ABCC12: variants seen among roughly 807,000 people sequenced by gnomAD.
The protein encoded by ABCC12 is ATP binding cassette subfamily C member 12.
Under a neutral mutation model 151.1 loss-of-function variants are expected in ABCC12, and 142 were observed. That is an observed-to-expected ratio of 0.94 (90% CI 0.82 to 1.08). The LOEUF is 1.08. Among genes scored for constraint, ABCC12 ranks in the 50% least tolerant of loss-of-function variants. ABCC12 has a pLI of 0.00. For synonymous variants in ABCC12, 645 were observed against 646.4 expected (o/e 1.00, Z 0.03); for missense variants, 1,638 against 1,691.1 (o/e 0.97, Z 0.55).
chr16:48,121,479 A>G, intron 13 of ABCC12: 1 of 459,954 alleles, frequency 2.2e-6, no homozygotes, highest in Non-Finnish European at 3.9e-6. Context: ...CTGCCCTGGG[A>G]ATGAAGTGCC....
chr16:48,130,768 T>C lies in ABCC12; in HGVS notation c.1236+20A>G. 1 of 1,562,344 alleles carries C rather than the reference T, an allele frequency of 6.4e-7. No individual in the cohort carries two copies. Among genetic ancestry groups the C allele is most frequent in the Non-Finnish European group, 8.8e-7 (1 of 1,133,160 alleles). On this transcript the variant is annotated intron_variant, in intron 10 of 30. Transcript: ENST00000311303. ...CCAAAATGAGATCTCTCTTCCCTACTCACCCAGGGTTAGTTATACCTTCAT... is the reference window on the plus strand; with the variant it reads ...CCAAAATGAGATCTCTCTTCCCTACCCACCCAGGGTTAGTTATACCTTCAT...
chr16:48,102,686 C>A (rs977966313), intron 22 of ABCC12, among the ~76,000 whole-genome samples: 1 of 152,228 alleles, frequency 6.6e-6, no homozygotes, highest in East Asian at 1.9e-4. Flanking sequence ...CATTCCCACA[C>A]CCGCATTTGC....
intron 29 of ABCC12, among the ~76,000 whole-genome samples, chr16:48,084,492 T>C (rs1230464700): frequency 6.6e-6 from 1 of 152,250 alleles, no homozygotes; most frequent in Non-Finnish European, 1.5e-5. Context: ...AATTATCTTC[T>C]AGTTCCAGAA....
chr16:48,086,740 C>T lies in ABCC12; in HGVS notation c.3714+1G>A, dbSNP rs1159397459. On this transcript the variant is annotated splice_donor_variant, in intron 28 of 30. Coordinates refer to ENST00000311303, the MANE Select transcript of ABCC12 (RefSeq NM_001393797.1). LOFTEE classifies it high-confidence loss of function. ...CCTCCTCAACAGCCCCAGAGACCTA[C>T]TGTGTCTCTCATGAATGTTCTCTCC... 6.2e-7 allele frequency: 1 copy of T among 1,610,278 alleles called. No individual in the cohort carries two copies. The highest frequency in any genetic ancestry group is 8.5e-7 in the Non-Finnish European group (1 of 1,176,766).
chr16:48,146,468 T>G lies in ABCC12; in HGVS notation c.-44A>C, dbSNP rs1484512352. On this transcript the variant is annotated 5_prime_UTR_variant, in exon 3 of 31. Transcript: ENST00000311303. ...CCCTGGGCTTTTGGCCTGGGGACAC[T>G]TTCACTCTATGGCAGAGAAATGGCA... 2.7e-6 allele frequency: 4 copies of G among 1,492,524 alleles called. No homozygotes were observed. The South Asian group carries it at 4.5e-5, about 17-fold the overall frequency. 92.5% of individuals were successfully genotyped at this position (1,492,524 alleles called of 1,614,324 possible).
intron 23 of ABCC12, among the ~76,000 whole-genome samples, chr16:48,099,387 A>T (rs1963223704): frequency 6.6e-6 from 1 of 152,118 alleles, no homozygotes; most frequent in South Asian, 2.1e-4. Flanking sequence ...ACAGAGCAAG[A>T]CTCTGTCTCA....
Position 48,111,849 on chromosome 16 carries a change from G to C in ABCC12, c.2051C>G (p.Thr684Ser), listed in dbSNP as rs774476247. The change falls in exon 16 of 31, where the codon ACC (threonine) becomes AGC (serine). Residue 684 changes from threonine (T) to serine (S), a missense_variant. Coordinates refer to ENST00000311303, the MANE Select transcript of ABCC12 (RefSeq NM_001393797.1). ...TCTCTCCTCCATTAACTCCTTGTGG[G>C]TTCCCTTTTCACAAATCTCTCCATC... ...LEDGEICEKG[T>S]HKELMEERGR... 6.2e-7 allele frequency: 1 copy of C among 1,614,134 alleles called. No homozygotes were observed. Among genetic ancestry groups the C allele is most frequent in the East Asian group, 2.2e-5 (1 of 44,874 alleles).
chr16:48,139,238 C>T lies in ABCC12; in HGVS notation c.756G>A (p.Ala252=), dbSNP rs1306184122. The stretch of plus-strand genomic sequence containing the variant: ...GCCCCAGAATGAAAAAGGCGTACGC[C>T]GCACAAAAGACCATTAGGATCGGGA... ...ATIPILMVFC[A]AYAFFILGPT... The change falls in exon 7 of 31, where the codon GCG becomes GCA. Residue 252 remains alanine (A), a synonymous_variant. Transcript: ENST00000311303. 1.2e-6 allele frequency: 2 copies of T among 1,614,080 alleles called. No homozygotes were observed. Among genetic ancestry groups the T allele is most frequent in the Non-Finnish European group, 1.7e-6 (2 of 1,180,010 alleles).
intron 13 of ABCC12, among the ~76,000 whole-genome samples, chr16:48,117,957 A>G (rs948596040): frequency 6.6e-6 from 1 of 152,152 alleles, no homozygotes. Context: ...AATGGGAGAG[A>G]GAGTGGGACT....
chr16:48,145,016 C>A (rs1272626951), intron 3 of ABCC12, among the ~76,000 whole-genome samples: 2 of 152,182 alleles, frequency 1.3e-5, no homozygotes, highest in African/African-American at 4.8e-5. Context: ...TTCAAACCCA[C>A]TGCTTGTTGA....
rs1597312837 is a variant in ABCC12, at chr16:48,115,322, C to A, written c.1989+93G>T. ...CCCTCCCCACATTCCCAGCTGAAGA[C>A]AGGCAGATATAGGCAGAAGAGGAGG... On this transcript the variant is annotated intron_variant, in intron 15 of 30. Transcript: ENST00000311303. The A allele has an allele frequency of 3.6e-6, 5 of 1,376,128 alleles. No homozygotes were observed. In the East Asian group the frequency reaches 1.2e-4, roughly 32 times the overall value. 85.2% of individuals were successfully genotyped at this position (1,376,128 alleles called of 1,614,324 possible).
At position 48,105,436 on chromosome 16, in the gene ABCC12, A is replaced by C. The variant is rs1411594485; in HGVS notation, c.2476-100T>G. The C allele has an allele frequency of 1.8e-5, 22 of 1,208,330 alleles. No homozygotes were observed. The East Asian group carries it at 3.8e-4, about 21-fold the overall frequency. The allele number at this position is 1,208,330 out of a possible 1,614,324, so 74.9% of individuals were successfully genotyped here. On this transcript the variant is annotated intron_variant, in intron 20 of 30. Transcript: ENST00000311303. Reference sequence around the variant, plus strand: ...TTTCCAGAGAGAAGAAACTAAGAAGAAGCACATGAGTGTTTTGAATGAGTC... The same window carrying C: ...TTTCCAGAGAGAAGAAACTAAGAAGCAGCACATGAGTGTTTTGAATGAGTC...
At position 48,124,839 on chromosome 16, in the gene ABCC12, G is replaced by A. The variant is rs9922477; in HGVS notation, c.1516-555C>T. On this transcript the variant is annotated intron_variant, in intron 11 of 30. Transcript: ENST00000311303. ...CAAGCACTGTTCCAACCACCAGCAA[G>A]AACAGCAATGAACACAACAGGCAAT... Among the ~76,000 whole-genome samples the A allele has an allele frequency of 3.1e-3, 472 of 152,334 alleles. 1 individual carries two copies. The highest frequency in any genetic ancestry group is 0.011 in the African/African-American group (450 of 41,572).
At chr16:48,120,358 A>G (rs1196990036) in intron 13 of ABCC12, among the ~76,000 whole-genome samples, 1 of 152,190 alleles carries the variant, frequency 6.6e-6, no homozygotes. Flanking sequence ...ACAGCTTCCT[A>G]TTGGGTACTA....
chr16:48,104,567 G>C (rs1359659682), intron 21 of ABCC12, among the ~76,000 whole-genome samples, 199 bp from the exon 22 acceptor site: 1 of 152,200 alleles, frequency 6.6e-6, no homozygotes, highest in Non-Finnish European at 1.5e-5. Flanking sequence ...TGGGGATTCA[G>C]TCTCTGTGTG....
At chr16:48,085,756 T>A (rs749022500) in intron 28 of ABCC12, 50 bp from the exon 29 acceptor site, 12 of 1,461,046 alleles carry the variant, frequency 8.2e-6, no homozygotes, top group Admixed American at 5.0e-5. Context: ...TATAAAATTG[T>A]CCTATGCTGT....
At chr16:48,146,735 G>A (rs1348734450) in intron 2 of ABCC12, 1 of 262,160 alleles carries the variant, frequency 3.8e-6, no homozygotes, top group African/African-American at 2.2e-5. Flanking sequence ...ACCCTATGGT[G>A]TGGTTTTGGT....
At position 48,138,312 on chromosome 16, in the gene ABCC12, C is replaced by G. The variant is rs752403389; in HGVS notation, c.895G>C (p.Val299Leu). 2 of 1,614,036 alleles carry G rather than the reference C, an allele frequency of 1.2e-6. No individual in the cohort carries two copies. Among genetic ancestry groups the G allele is most frequent in the South Asian group, 1.1e-5 (1 of 91,056 alleles). Reference sequence around the variant, plus strand: ...GTCAGAAACTCATTCATTGTCTGAACTCGCTTGTCTGTCACCAAAATTGCT... The same window carrying G: ...GTCAGAAACTCATTCATTGTCTGAAGTCGCTTGTCTGTCACCAAAATTGCT... Reference protein sequence around the residue: ...RSAILVTDKRVQTMNEFLTCI... With the variant: ...RSAILVTDKRLQTMNEFLTCI... The change falls in exon 8 of 31, where the codon GTT becomes CTT. Residue 299 changes from valine (V) to leucine (L), a missense_variant. Physicochemically the swap from Val to Leu is conservative, Grantham distance 32. Coordinates refer to ENST00000311303, the MANE Select transcript of ABCC12 (RefSeq NM_001393797.1).
At chr16:48,090,264 G>A (rs2150585000) in intron 25 of ABCC12, among the ~76,000 whole-genome samples, 1 of 152,230 alleles carries the variant, frequency 6.6e-6, no homozygotes, top group Middle Eastern at 3.4e-3. Flanking sequence ...GTCTAGCTCT[G>A]TTGCACAGGC....
Sources: allele counts gnomAD v4.1 joint callset (sites outside exome capture counted in the v4.1 genomes callset), GRCh38; gene constraint gnomAD v4.1.1; transcripts MANE v1.5; gene names NCBI Gene and HGNC (gene_info 2026-07-23, HGNC 2026-07-21).